Variants in PLEKHG1 observed in about 807,000 individuals in gnomAD.
PLEKHG1 encodes the protein pleckstrin homology and RhoGEF domain containing G1.
A neutral mutation model predicts 100.8 loss-of-function variants in PLEKHG1; 44 were observed. The ratio of observed to expected loss-of-function variants is 0.44; its 90% CI spans 0.34 to 0.56. PLEKHG1 has a LOEUF of 0.56. PLEKHG1 is among the 20% of genes least tolerant of loss of function. The pLI is 0.01. For synonymous variants in PLEKHG1, 640 were observed against 662.5 expected (o/e 0.97, Z 0.52); for missense variants, 1,545 against 1,720.9 (o/e 0.90, Z 1.81).
In PLEKHG1 at chr6:150,819,662, C is replaced by CCACAGTCCCACTGATAACCCACT; in HGVS notation, c.1313-17_1313-16insCACAGTCCCACTGATAACCCACT. On this transcript the variant is annotated splice_polypyrimidine_tract_variant and intron_variant, in intron 11 of 15. Coordinates refer to ENST00000358517, the Ensembl canonical transcript of PLEKHG1. ...CTGACACCACAGTCCCACTGATGCA[C>CCACAGTCCCACTGATAACCCACT]GTGGTTATCTTTACAGATCATCCAG... 6.8e-7 allele frequency: 1 copy of CCACAGTCCCACTGATAACCCACT among 1,475,154 alleles called. No homozygotes were observed. Among genetic ancestry groups the CCACAGTCCCACTGATAACCCACT allele is most frequent in the East Asian group, 2.3e-5 (1 of 44,228 alleles). 91.4% of individuals were successfully genotyped at this position (1,475,154 alleles called of 1,614,324 possible).
At chr6:150,724,007 G>A (rs1468174743) in intron 1 of PLEKHG1, among the ~76,000 whole-genome samples, 4 of 152,198 alleles carry the variant, frequency 2.6e-5, no homozygotes, top group East Asian at 1.9e-4. Flanking sequence ...GTATCACTGC[G>A]GTCTCATCAT....
chr6:150,735,149 G>C (rs1009961875), intron 2 of PLEKHG1, among the ~76,000 whole-genome samples: 2 of 152,006 alleles, frequency 1.3e-5, no homozygotes, highest in Non-Finnish European at 2.9e-5. Flanking sequence ...ACCACACCCA[G>C]CTAATTTTGT....
chr6:150,676,780 A>G (rs1424922401), intron 3 of PLEKHG1, among the ~76,000 whole-genome samples: 2 of 152,216 alleles, frequency 1.3e-5, no homozygotes, highest in African/African-American at 2.4e-5. Context: ...CTAAAAATGT[A>G]GAACTCATTA....
At chr6:150,779,344 G>GTTTGTGTTTTTTT (rs1257363893) in intron 3 of PLEKHG1, among the ~76,000 whole-genome samples, 1 of 104,536 alleles carries the variant, frequency 9.6e-6, no homozygotes, top group African/African-American at 4.3e-5. Context: ...TTGTCAAGAA[G>GTTTGTGTTTTTTT]TTTTTTTTTT....
intron 3 of PLEKHG1, chr6:150,651,140 C>T (rs1381752855): frequency 6.6e-6 from 1 of 152,238 alleles, no homozygotes; most frequent in South Asian, 2.1e-4. Flanking sequence ...TATAGTTTCT[C>T]TGTCTCTCAA....
chr6:150,626,508 CG>C (rs551534945), intron 1 of PLEKHG1, among the ~76,000 whole-genome samples: 30 of 152,144 alleles, frequency 2.0e-4, no homozygotes, highest in Non-Finnish European at 3.8e-4. Context: ...TGTTTACTGC[CG>C]GGCTCTCCGG....
intron 15 of PLEKHG1, among the ~76,000 whole-genome samples, chr6:150,833,536 T>G (rs1777071497): frequency 6.6e-6 from 1 of 152,122 alleles, no homozygotes; most frequent in Non-Finnish European, 1.5e-5. Context: ...TGGTTAGACT[T>G]TTTTTGAAGG....
chr6:150,817,604 C>T (rs1055837841), intron 10 of PLEKHG1, among the ~76,000 whole-genome samples: 1 of 140,606 alleles, frequency 7.1e-6, no homozygotes, highest in Admixed American at 7.6e-5. Flanking sequence ...GTCGCCCAGG[C>T]TAGAGTGCAG....
At chr6:150,687,028 G>A (rs1045502140) in intron 3 of PLEKHG1, 1 of 152,636 alleles carries the variant, frequency 6.6e-6, no homozygotes, top group Admixed American at 6.5e-5. Context: ...GTGGCCCTTT[G>A]TAAAGGGTTC....
Position 150,628,254 on chromosome 6 carries a change from TTA to T in PLEKHG1, c.-203-9822_-203-9821del, listed in dbSNP as rs373341119. 6.6e-4 allele frequency among the ~76,000 whole-genome samples: 100 copies of T among 152,286 alleles called. 3 individuals carry two copies. The highest frequency in any genetic ancestry group is 2.3e-3 in the African/African-American group (97 of 41,542). On this transcript the variant is annotated intron_variant, in intron 1 of 3. Coordinates refer to the PLEKHG1 transcript ENST00000367326. ...CTCCCACTTCCAGAGCTTTGAAATG[TTA>T]TATGTTTCTGGTTGTTTTCTGCCCT...
intron 3 of PLEKHG1, among the ~76,000 whole-genome samples, chr6:150,776,787 A>G (rs1190834969): frequency 6.6e-6 from 1 of 151,868 alleles, no homozygotes; most frequent in Non-Finnish European, 1.5e-5. Context: ...CCTGGTGCAC[A>G]TGTGCGGTTG....
chr6:150,805,230 C>T (rs561775773), intron 7 of PLEKHG1, among the ~76,000 whole-genome samples: 6 of 152,098 alleles, frequency 3.9e-5, no homozygotes, highest in Non-Finnish European at 7.4e-5. Flanking sequence ...CCACCACACC[C>T]GGCCGACATT....
chr6:150,804,952 T>G (rs803431), intron 7 of PLEKHG1, among the ~76,000 whole-genome samples: 35,603 of 148,650 alleles, frequency 0.24, 4,437 homozygotes, highest in Middle Eastern at 0.3. Flanking sequence ...TTTTTTTTTT[T>G]GAGATGGAGT....
At chr6:150,679,379 A>C (rs540094469) in intron 3 of PLEKHG1, among the ~76,000 whole-genome samples, 2 of 152,350 alleles carry the variant, frequency 1.3e-5, no homozygotes, top group African/African-American at 2.4e-5. Context: ...GAAGATGTGA[A>C]TATTAAATGT....
chr6:150,804,688 G>A (rs772673577), exon 7 of PLEKHG1: 31 of 1,613,556 alleles, frequency 1.9e-5, no homozygotes, highest in Non-Finnish European at 2.5e-5. Context: ...GCAGCGAGTC[G>A]CCTGGCATAT....
chr6:150,710,505 G>T (rs1484222596), intron 3 of PLEKHG1, among the ~76,000 whole-genome samples: 2 of 152,110 alleles, frequency 1.3e-5, no homozygotes, highest in Non-Finnish European at 2.9e-5. Context: ...AAGCAGCTCT[G>T]CCCACTGTCT....
chr6:150,745,221 G>A (rs1036739906), intron 2 of PLEKHG1, among the ~76,000 whole-genome samples: 1 of 152,166 alleles, frequency 6.6e-6, no homozygotes, highest in Admixed American at 6.5e-5. Context: ...ACTGAATAAT[G>A]TAGGCAACTA....
chr6:150,606,235 G>A (rs559597751), intron 1 of PLEKHG1, among the ~76,000 whole-genome samples: 8 of 152,248 alleles, frequency 5.3e-5, no homozygotes, highest in African/African-American at 1.2e-4. Flanking sequence ...TCTTGCAGCC[G>A]GATAATTCCT....
At chr6:150,804,646 T>C (rs761541656) in exon 7 of PLEKHG1, 14 of 1,612,324 alleles carry the variant, frequency 8.7e-6, no homozygotes, top group Non-Finnish European at 1.1e-5. Context: ...CACAGAAGGC[T>C]ATGATGTGGT....
Sources: allele counts gnomAD v4.1 joint callset (sites outside exome capture counted in the v4.1 genomes callset), GRCh38; gene constraint gnomAD v4.1.1; transcripts MANE v1.5; gene names NCBI Gene and HGNC (gene_info 2026-07-23, HGNC 2026-07-21).